CAST: variants seen among roughly 807,000 people sequenced by gnomAD.
CAST encodes MIR583 host.
A neutral mutation model predicts 119.6 loss-of-function variants in CAST; 76 were observed. The ratio of observed to expected loss-of-function variants is 0.64; its 90% confidence interval spans 0.53 to 0.77. The LOEUF is 0.77. Ranked by LOEUF, CAST falls within the 30% of genes least tolerant of loss-of-function variation. CAST has a pLI of 0.00. For missense variants in CAST, 953 were observed against 946.5 expected (o/e 1.01, Z -0.09); for synonymous variants, 319 against 331.6 (o/e 0.96, Z 0.41).
the CAST span, among the ~76,000 whole-genome samples, chr5:96,087,416 A>G: frequency 6.6e-6 from 1 of 152,096 alleles, no homozygotes. Context: ...ATCTTTTTCA[A>G]CTTTCTACTT....
chr5:96,453,033 C>T, the CAST span, among the ~76,000 whole-genome samples: 1 of 148,178 alleles, frequency 6.7e-6, no homozygotes, highest in Non-Finnish European at 1.5e-5. Flanking sequence ...CAAGGAATGA[C>T]TTCAGCTAAT....
the CAST span, among the ~76,000 whole-genome samples, chr5:96,506,873 G>A: frequency 6.6e-6 from 1 of 152,322 alleles, no homozygotes; most frequent in African/African-American, 2.4e-5. Context: ...TAAGCCTGGT[G>A]TGGGGAGGGC....
chr5:96,217,909 A>T, the CAST span, among the ~76,000 whole-genome samples: 2 of 152,156 alleles, frequency 1.3e-5, no homozygotes, highest in African/African-American at 2.4e-5. Flanking sequence ...TCAACTGTGA[A>T]ATTCATTAGC....
chr5:96,441,629 A>G, the CAST span, among the ~76,000 whole-genome samples: 1 of 152,134 alleles, frequency 6.6e-6, no homozygotes, highest in Non-Finnish European at 1.5e-5. Context: ...GGCACCTTAG[A>G]AAAAAAGGGA....
At chr5:96,089,256 G>A in the CAST span, among the ~76,000 whole-genome samples, 3 of 152,020 alleles carry the variant, frequency 2.0e-5, no homozygotes, top group East Asian at 1.9e-4. Context: ...TATATATTTC[G>A]AGGATTATAA....
At chr5:96,493,818 T>G in the CAST span, among the ~76,000 whole-genome samples, 1 of 152,148 alleles carries the variant, frequency 6.6e-6, no homozygotes, top group Non-Finnish European at 1.5e-5. Context: ...GTGGATCACC[T>G]GAGGTCAGGA....
chr5:96,037,069 C>T, the CAST span, among the ~76,000 whole-genome samples: 1 of 152,006 alleles, frequency 6.6e-6, no homozygotes, highest in Non-Finnish European at 1.5e-5. Flanking sequence ...CACTAATAAT[C>T]TTATCTCTTC....
intron 1 of CAST, among the ~76,000 whole-genome samples, chr5:96,621,418 G>T (rs1466116606): frequency 6.6e-6 from 1 of 152,204 alleles, no homozygotes; most frequent in Non-Finnish European, 1.5e-5. Context: ...TTATAAAGGA[G>T]AGAAGTTTAA....
intron 2 of CAST, among the ~76,000 whole-genome samples, chr5:96,686,169 C>CT (rs11357771): frequency 3.5e-4 from 53 of 149,504 alleles, no homozygotes; most frequent in South Asian, 1.1e-3. Flanking sequence ...TTGATTATTC[C>CT]TTTTTTTTTT....
At chr5:96,500,356 T>TA in the CAST span, among the ~76,000 whole-genome samples, 3 of 152,194 alleles carry the variant, frequency 2.0e-5, no homozygotes, top group African/African-American at 7.2e-5. Flanking sequence ...ATTAACTGTA[T>TA]AGTAATATAT....
chr5:96,629,746 T>G (rs959629081), intron 1 of CAST, among the ~76,000 whole-genome samples: 1 of 152,214 alleles, frequency 6.6e-6, no homozygotes, highest in African/African-American at 2.4e-5. Context: ...CCTCCCACCT[T>G]TAAAACCCAC....
the CAST span, among the ~76,000 whole-genome samples, chr5:96,226,134 A>G: frequency 6.6e-6 from 1 of 152,204 alleles, no homozygotes; most frequent in African/African-American, 2.4e-5. Context: ...AGAAATTCTT[A>G]CCCAAAGGTC....
chr5:96,105,372 T>G, the CAST span, among the ~76,000 whole-genome samples: 1 of 152,214 alleles, frequency 6.6e-6, no homozygotes, highest in African/African-American at 2.4e-5. Context: ...GGCTGTGGGT[T>G]TGTCATAGAT....
At chr5:96,379,512 C>T in the CAST span, 1 of 152,062 alleles carries the variant, frequency 6.6e-6, no homozygotes, top group Non-Finnish European at 1.5e-5. Flanking sequence ...ATTATAAATT[C>T]TGATAAATTA....
chr5:96,323,129 T>A, the CAST span, among the ~76,000 whole-genome samples: 1 of 152,194 alleles, frequency 6.6e-6, no homozygotes, highest in African/African-American at 2.4e-5. Context: ...AACTTCAGCC[T>A]AGAAACTTCA....
Position 96,733,973 on chromosome 5 carries a change from A to G in CAST, c.631-2199A>G, listed in dbSNP as rs536196553. ...CCTGTCTAGGGGGTGGGGAAAAGAC[A>G]ATGTACCTGGGGCTGTATTTCAATC... On this transcript the variant is annotated intron_variant, in intron 9 of 31. Transcript: ENST00000675179. Among the ~76,000 whole-genome samples the G allele has an allele frequency of 2.0e-5, 3 of 152,302 alleles. No homozygotes were observed. In the South Asian group the frequency reaches 6.2e-4, roughly 32 times the overall value.
At chr5:96,613,746 C>T (rs1387208173) in intron 1 of CAST, among the ~76,000 whole-genome samples, 4 of 152,174 alleles carry the variant, frequency 2.6e-5, no homozygotes, top group Non-Finnish European at 4.4e-5. Context: ...CTGGAGAAAA[C>T]GTTAAGTACC....
the CAST span, among the ~76,000 whole-genome samples, chr5:96,293,890 G>T: frequency 6.6e-6 from 1 of 151,986 alleles, no homozygotes; most frequent in Non-Finnish European, 1.5e-5. Context: ...CTCCCGAGTA[G>T]CTGGGATTAC....
intron 1 of CAST, among the ~76,000 whole-genome samples, chr5:96,545,676 T>C (rs1745996989): frequency 6.6e-6 from 1 of 152,206 alleles, no homozygotes; most frequent in Admixed American, 6.5e-5. Context: ...AAGAAGTCTA[T>C]ACCGTTAAGC....
Sources: gnomAD v4.1 joint callset for allele counts (sites outside exome capture counted in the v4.1 genomes callset) on GRCh38, gnomAD v4.1.1 for gene constraint, MANE v1.5 for transcripts, NCBI Gene and HGNC (gene_info 2026-07-23, HGNC 2026-07-21) for gene names.